The following ETV1 variants were observed in gnomAD, a reference collection of about 807,000 sequenced individuals.
ETV1 encodes the protein ETS translocation variant 1.
In ETV1, 27 loss-of-function variants were observed where a neutral mutation model predicts 62.3. That is an observed-to-expected ratio of 0.43 (90% CI 0.32 to 0.60). The LOEUF is 0.60. ETV1 is among the 20% of genes least tolerant of loss of function. The probability of loss-of-function intolerance (pLI) is 0.06; values close to 1 mark genes in which losing one functional copy is unlikely to be tolerated. For synonymous variants in ETV1, 222 were observed against 199.6 expected, an observed-to-expected ratio of 1.11 and a Z score of -0.94; for missense variants, 605 against 605.8, an observed-to-expected ratio of 1.00 and a Z score of 0.01.
chr7:13,962,121 A>G (rs1012716865), intron 6 of ETV1, among the ~76,000 whole-genome samples: 1 of 151,854 alleles, frequency 6.6e-6, no homozygotes, highest in Non-Finnish European at 1.5e-5. Flanking sequence ...CTTATATAGT[A>G]TGTTCCATGT....
chr7:13,897,240 G>C lies in ETV1; in HGVS notation c.1213-1153C>G, dbSNP rs77170205. On this transcript the variant is annotated intron_variant, in intron 13 of 13. Coordinates refer to ENST00000430479, the MANE Select transcript of ETV1 (RefSeq NM_004956.5). ...GTGTAAAGGTATGAGATTTTAGAAA[G>C]CTGAAGGTGACACAACACCTCCATG... is the stretch of plus-strand genomic sequence containing the variant. Among the ~76,000 whole-genome samples the C allele has an allele frequency of 3.7e-3, 570 of 152,234 alleles. 3 individuals are homozygous for C. The highest frequency in any genetic ancestry group is 6.8e-3 in the Middle Eastern group (2 of 294).
intron 12 of ETV1, among the ~76,000 whole-genome samples, chr7:13,904,796 A>C (rs1562590713): frequency 6.6e-6 from 1 of 151,788 alleles, no homozygotes. Flanking sequence ...AGGGCTTTCA[A>C]ATTACTTTGT....
chr7:13,928,411 T>C lies in ETV1; in HGVS notation c.802+3091A>G, dbSNP rs541645502. 1.6e-4 allele frequency among the ~76,000 whole-genome samples: 24 copies of C among 150,090 alleles called. 1 individual carries two copies. In the South Asian group the frequency reaches 5.1e-3, roughly 32 times the overall value. On this transcript the variant is annotated intron_variant, in intron 9 of 13. Coordinates refer to ENST00000430479, the MANE Select transcript of ETV1 (RefSeq NM_004956.5). ...GCAGGCAGATCACGAGGTCAAGAGA[T>C]TGAGACCAGCCTGACCAACATGGAG...
At chr7:13,907,737 G>A in intron 11 of ETV1, 1 of 435,024 alleles carries the variant, frequency 2.3e-6, no homozygotes. Context: ...AGCCTATGTA[G>A]TCATACTAAG....
At chr7:13,959,372 C>T (rs943120585) in intron 6 of ETV1, among the ~76,000 whole-genome samples, 1 of 152,128 alleles carries the variant, frequency 6.6e-6, no homozygotes, top group Non-Finnish European at 1.5e-5. Flanking sequence ...CTCTACTGTA[C>T]CTTAACTAGT....
intron 11 of ETV1, among the ~76,000 whole-genome samples, chr7:13,908,709 T>C (rs1030205802): frequency 2.0e-5 from 3 of 151,954 alleles, no homozygotes; most frequent in Non-Finnish European, 4.4e-5. Flanking sequence ...GAACATGGGG[T>C]AGTCTCCAAG....
chr7:13,984,852 T>A (rs970908505), intron 5 of ETV1, among the ~76,000 whole-genome samples: 143 of 151,744 alleles, frequency 9.4e-4, no homozygotes, highest in Admixed American at 1.4e-3. Flanking sequence ...CTCTGCAGAG[T>A]TTTAAAAGAT....
upstream of ETV1, chr7:13,989,882 A>G (rs1782895127): frequency 3.0e-6 from 1 of 334,056 alleles, no homozygotes; most frequent in Admixed American, 4.8e-5. Context: ...TCAGCCTGGA[A>G]GCGCCACGGA....
chr7:13,895,471 C>T lies in ETV1; in HGVS notation c.*395G>A, dbSNP rs1240419694. The T allele has an allele frequency of 2.0e-5, 5 of 246,114 alleles. No homozygotes were observed. Among genetic ancestry groups the T allele is most frequent in the Non-Finnish European group, 2.4e-5 (3 of 125,682 alleles). The allele number at this position is 246,114 out of a possible 1,614,324, so 15.2% of individuals were successfully genotyped here. On this transcript the variant is annotated 3_prime_UTR_variant, in exon 14 of 14. Coordinates refer to ENST00000430479, the MANE Select transcript of ETV1 (RefSeq NM_004956.5). ...AGTCTCCAAGTGGATATTTACACAA[C>T]GTGAAATTAACTGTACCATAGATAC...
rs1781597265 is a variant in ETV1 at position 13,894,384 on chromosome 7, A to G, written c.*1482T>C. On this transcript the variant is annotated 3_prime_UTR_variant, in exon 14 of 14. Coordinates refer to ENST00000430479, the MANE Select transcript of ETV1 (RefSeq NM_004956.5). ...CAAAAACAGAACAAAAAACTTTGAA[A>G]CTTTAAATCTTCTTTCAAACAATCC... The G allele has an allele frequency of 4.3e-6, 1 of 232,782 alleles. No individual in the cohort carries two copies. Among genetic ancestry groups the G allele is most frequent in the African/African-American group, 2.2e-5 (1 of 45,428 alleles). The allele number at this position is 232,782 out of a possible 1,614,324, so 14.4% of individuals were successfully genotyped here. A position where few individuals can be genotyped will look rare whatever the true frequency, so the allele number is the denominator to read the frequency against.
chr7:13,928,388 A>G (rs2299092), intron 9 of ETV1, among the ~76,000 whole-genome samples: 25,528 of 150,598 alleles, frequency 0.17, 2,426 homozygotes, highest in East Asian at 0.26. Context: ...AGGCCGAGGC[A>G]GGCAGATCAC....
chr7:13,978,975 AAATTAAT>A (rs1781718451), intron 5 of ETV1, among the ~76,000 whole-genome samples: 1 of 152,174 alleles, frequency 6.6e-6, no homozygotes, highest in South Asian at 2.1e-4. Flanking sequence ...AAAATCAAAC[AAATTAAT>A]AATTTTTTCA....
intron 6 of ETV1, among the ~76,000 whole-genome samples, chr7:13,960,965 C>A (rs1306598965): frequency 6.6e-6 from 1 of 151,938 alleles, no homozygotes; most frequent in Non-Finnish European, 1.5e-5. Flanking sequence ...CACAGCAATA[C>A]CTCCTTTCTA....
At chr7:13,898,664 AC>A in intron 13 of ETV1, among the ~76,000 whole-genome samples, 1 of 152,306 alleles carries the variant, frequency 6.6e-6, no homozygotes, top group East Asian at 1.9e-4. Context: ...TATATACACC[AC>A]ATATGCCCAC....
intron 5 of ETV1, among the ~76,000 whole-genome samples, chr7:13,980,291 G>C (rs1268374989): frequency 6.6e-6 from 1 of 152,144 alleles, no homozygotes; most frequent in Non-Finnish European, 1.5e-5. Context: ...GTTGGATCTA[G>C]GCAAGGAAAA....
intron 5 of ETV1, among the ~76,000 whole-genome samples, chr7:13,979,387 G>A (rs1038983899): frequency 6.6e-6 from 1 of 151,962 alleles, no homozygotes; most frequent in South Asian, 2.1e-4. Context: ...CTACTAGAGA[G>A]GCAACGAAAC....
rs1208611662 is a variant in ETV1, at chr7:13,931,547, G to C, written c.757C>G (p.Pro253Ala). ...CTGGGTTCCTGTTTAATCATCAGAG[G>C]AGGGGGAAAGCTTTGGCTGGCCGCA... ...GSAASQSFPPPLMIKQEPRDF... is the reference protein window; with the variant it reads ...GSAASQSFPPALMIKQEPRDF... The change falls in exon 9 of 14, where the codon CCT becomes GCT. Residue 253 changes from proline (P) to alanine (A), a missense_variant. By Grantham distance (27) the Pro-to-Ala change is conservative (BLOSUM62 -1). Coordinates refer to ENST00000430479, the MANE Select transcript of ETV1 (RefSeq NM_004956.5). 6.2e-7 allele frequency: 1 copy of C among 1,614,034 alleles called. No individual in the cohort carries two copies. Among genetic ancestry groups the C allele is most frequent in the South Asian group, 1.1e-5 (1 of 91,090 alleles).
At chr7:13,938,703 T>C (rs1166530069) in intron 7 of ETV1, among the ~76,000 whole-genome samples, 1 of 152,234 alleles carries the variant, frequency 6.6e-6, no homozygotes, top group African/African-American at 2.4e-5. Flanking sequence ...GTCCATGAAC[T>C]CATCTTACAG....
chr7:13,897,913 T>C lies in ETV1; in HGVS notation c.1213-1826A>G, dbSNP rs114080063. The stretch of plus-strand genomic sequence containing the variant: ...GGGCTGTGGAGGAAGATACATTTGC[T>C]TTAAGTACTGGACTTCCTTTGACGG... On this transcript the variant is annotated intron_variant, in intron 13 of 13. Coordinates refer to ENST00000430479, the MANE Select transcript of ETV1 (RefSeq NM_004956.5). Among the ~76,000 whole-genome samples, 665 of 152,326 alleles carry C rather than the reference T, an allele frequency of 4.4e-3. 9 individuals carry two copies. The highest frequency in any genetic ancestry group is 0.015 in the African/African-American group (644 of 41,576).
Sources: allele counts gnomAD v4.1 joint callset (sites outside exome capture counted in the v4.1 genomes callset), GRCh38; gene constraint gnomAD v4.1.1; transcripts MANE v1.5; gene names NCBI Gene and HGNC (gene_info 2026-07-23, HGNC 2026-07-21).